Variants in PDE9A observed in about 807,000 individuals in gnomAD.
PDE9A encodes high affinity cGMP-specific 3',5'-cyclic phosphodiesterase 9A.
A neutral mutation model predicts 87.4 loss-of-function variants in PDE9A; 60 were observed. That is an observed-to-expected ratio of 0.69 (90% CI 0.56 to 0.85). The LOEUF (loss-of-function observed/expected upper bound fraction) is 0.85. PDE9A is among the 40% of genes least tolerant of loss of function. The pLI is 0.00. For missense variants in PDE9A, 665 were observed against 779.0 expected, an observed-to-expected ratio of 0.85 and a Z score of 1.74; for synonymous variants, 272 against 279.4, an observed-to-expected ratio of 0.97 and a Z score of 0.27.
intron 8 of PDE9A, among the ~76,000 whole-genome samples, chr21:42,744,493 C>T (rs945674493): frequency 2.0e-5 from 3 of 152,276 alleles, no homozygotes; most frequent in South Asian, 2.1e-4. Context: ...AAAGACAGAA[C>T]AAGAAGAGGA....
intron 1 of PDE9A, among the ~76,000 whole-genome samples, chr21:42,681,622 T>C (rs772365562): frequency 2.6e-5 from 4 of 152,148 alleles, no homozygotes; most frequent in Non-Finnish European, 4.4e-5. Context: ...CAATTTCCAG[T>C]GGGGGAGCCG....
rs267606143 is a variant in PDE9A at position 42,687,965 on chromosome 21, C to T, written c.189C>T (p.Ile63=). 1.9e-5 allele frequency: 31 copies of T among 1,613,006 alleles called. 1 individual carries two copies. Among genetic ancestry groups the T allele is most frequent in the South Asian group, 1.4e-4 (13 of 91,078 alleles). The stretch of plus-strand genomic sequence containing the variant: ...CCACCGACGACGCCATGGTCTCCAT[C>T]GACCCCACCATGCCCGCGAATTCAG... ...LLTTDDAMVS[I]DPTMPANSER... is the part of the protein sequence containing the mutation. Residue 63 remains isoleucine (I), a synonymous_variant, in exon 3 of 20, where the codon ATC becomes ATT. Transcript: ENST00000291539.
intron 4 of PDE9A, among the ~76,000 whole-genome samples, chr21:42,706,382 C>A (rs370885878): frequency 5.9e-5 from 9 of 152,174 alleles, no homozygotes; most frequent in South Asian, 2.1e-4. Flanking sequence ...TGGTGGCTCA[C>A]GCCTGTAATC....
chr21:42,749,437 A>G (rs552425200), intron 8 of PDE9A, among the ~76,000 whole-genome samples: 1 of 152,298 alleles, frequency 6.6e-6, no homozygotes, highest in South Asian at 2.1e-4. Context: ...ACTCTGCTGC[A>G]GGGGCCCAAG....
chr21:42,753,880 A>G lies in PDE9A; in HGVS notation c.736-110A>G, dbSNP rs566892042. On this transcript the variant is annotated intron_variant, in intron 9 of 19. Transcript: ENST00000291539. ...CTATCTCAAAAAAAAAAAAAAAAAG[A>G]AAGAAAGAAAAAGAAAGAGAACGGG... 10 of 593,974 alleles carry G rather than the reference A, an allele frequency of 1.7e-5. No individual in the cohort carries two copies. The Admixed American group carries it at 2.9e-4, about 17-fold the overall frequency. 36.8% of individuals were successfully genotyped at this position (593,974 alleles called of 1,614,324 possible).
intron 1 of PDE9A, among the ~76,000 whole-genome samples, chr21:42,679,440 T>C (rs1173350301): frequency 6.6e-6 from 1 of 151,768 alleles, no homozygotes. Flanking sequence ...TACTTGAGTC[T>C]TGGTTTTACA....
intron 1 of PDE9A, among the ~76,000 whole-genome samples, chr21:42,679,533 C>G (rs748374171): frequency 5.9e-5 from 9 of 152,128 alleles, no homozygotes; most frequent in African/African-American, 9.7e-5. Flanking sequence ...ACGAGGAGAC[C>G]TGCTCATGGA....
At chr21:42,736,020 C>G (rs2052372724) in intron 7 of PDE9A, among the ~76,000 whole-genome samples, 2 of 152,054 alleles carry the variant, frequency 1.3e-5, no homozygotes, top group African/African-American at 4.8e-5. Context: ...ACACAAAAAG[C>G]CACGCAGTCA....
intron 3 of PDE9A, among the ~76,000 whole-genome samples, chr21:42,693,519 T>A (rs1369860387): frequency 6.6e-6 from 1 of 151,624 alleles, no homozygotes; most frequent in African/African-American, 2.4e-5. Context: ...CACGATCTCC[T>A]GACCTCGTGA....
chr21:42,774,976 C>T (rs185226543), intron 19 of PDE9A, among the ~76,000 whole-genome samples: 2 of 150,122 alleles, frequency 1.3e-5, no homozygotes, highest in African/African-American at 4.9e-5. Context: ...GAGTCTCGCT[C>T]TGTTGCCCAG....
intron 6 of PDE9A, among the ~76,000 whole-genome samples, chr21:42,732,739 A>ACC (rs2051948682): frequency 6.6e-6 from 1 of 151,702 alleles, no homozygotes; most frequent in African/African-American, 2.4e-5. Flanking sequence ...ACATGGAGAA[A>ACC]CCCCGTCTCT....
At chr21:42,688,044 A>G (rs1345915740) in intron 3 of PDE9A, 50 bp downstream of exon 3, 2 of 1,401,276 alleles carry the variant, frequency 1.4e-6, no homozygotes, top group Non-Finnish European at 2.0e-6. Context: ...ACTTCTCTCC[A>G]TGACATGGGA....
intron 1 of PDE9A, among the ~76,000 whole-genome samples, chr21:42,673,008 G>A (rs1034199536): frequency 1.3e-5 from 2 of 152,146 alleles, no homozygotes; most frequent in African/African-American, 4.8e-5. Flanking sequence ...GGAGGAGGAG[G>A]ATCCATGAGT....
In PDE9A at chr21:42,760,526, G is replaced by A; in HGVS notation, c.1002+94G>A. ...GCGGCAGCCCCATCCCACCAAGAGAGCCACAGGCGTGGGGTCCCCAGCCGC... is the reference window on the plus strand; with the variant it reads ...GCGGCAGCCCCATCCCACCAAGAGAACCACAGGCGTGGGGTCCCCAGCCGC... On this transcript the variant is annotated intron_variant, in intron 12 of 19. Coordinates refer to ENST00000291539, the MANE Select transcript of PDE9A (RefSeq NM_002606.3). The surrounding 1 kb of genome is among the most constrained non-coding windows in gnomAD (Gnocchi z 5.2). 2.5e-6 allele frequency: 2 copies of A among 786,940 alleles called. No individual in the cohort carries two copies. The highest frequency in any genetic ancestry group is 4.2e-6 in the Non-Finnish European group (2 of 476,412). 48.7% of individuals were successfully genotyped at this position (786,940 alleles called of 1,614,324 possible). A position where few individuals can be genotyped will look rare whatever the true frequency, so the allele number is the denominator to read the frequency against.
rs145822669 is a variant in PDE9A at position 42,686,174 on chromosome 21, C to A, written c.70-18C>A. On this transcript the variant is annotated intron_variant, in intron 1 of 19. Transcript: ENST00000291539. The stretch of plus-strand genomic sequence containing the variant: ...CCCGCCGCCCTCGCTGCCGCCTCAC[C>A]GCGCTTCTGTTTTGCAGGTAATCTT... 2 of 1,610,236 alleles carry A rather than the reference C, an allele frequency of 1.2e-6. No individual in the cohort carries two copies. The highest frequency in any genetic ancestry group is 4.5e-5 in the East Asian group (2 of 44,854).
intron 8 of PDE9A, 42 bp from the exon 9 acceptor site, chr21:42,751,074 G>A: frequency 7.6e-7 from 1 of 1,316,944 alleles, no homozygotes; most frequent in Non-Finnish European, 1.1e-6. Flanking sequence ...TCACCAGACT[G>A]AAACAGCAGG....
chr21:42,728,093 C>A lies in PDE9A; in HGVS notation c.263-3677C>A, dbSNP rs565931580. Among the ~76,000 whole-genome samples, 6 of 152,290 alleles carry A rather than the reference C, an allele frequency of 3.9e-5. No individual in the cohort carries two copies. The South Asian group carries it at 1.2e-3, about 32-fold the overall frequency. ...TGTTTTAAAAACAAGAAAAACAATA[C>A]AAATTAGTAAACAGTACAGTATAGC... is the stretch of plus-strand genomic sequence containing the variant. On this transcript the variant is annotated intron_variant, in intron 4 of 19. Transcript: ENST00000291539.
Position 42,769,041 on chromosome 21 carries a change from G to A in PDE9A, c.1476G>A (p.Lys492=). The change falls in exon 17 of 20, where the codon AAG becomes AAA. Residue 492 remains lysine (K), a synonymous_variant. Coordinates refer to ENST00000291539, the MANE Select transcript of PDE9A (RefSeq NM_002606.3). Reference sequence around the variant, plus strand: ...ATTCCCTGCAGAGCGACCGTGAGAAGTCAGAAGGCCTTCCTGTGGCACCGT... The same window carrying A: ...ATTCCCTGCAGAGCGACCGTGAGAAATCAGAAGGCCTTCCTGTGGCACCGT... ...EEYFMQSDRE[K]SEGLPVAPFM... 1 of 1,612,988 alleles carries A rather than the reference G, an allele frequency of 6.2e-7. No homozygotes were observed. The highest frequency in any genetic ancestry group is 8.5e-7 in the Non-Finnish European group (1 of 1,179,170).
intron 3 of PDE9A, among the ~76,000 whole-genome samples, chr21:42,689,024 G>A (rs2059637962): frequency 6.6e-6 from 1 of 151,708 alleles, no homozygotes; most frequent in African/African-American, 2.4e-5. Flanking sequence ...GACATGGCCA[G>A]TGCCGTCCTC....
Sources: allele counts gnomAD v4.1 joint callset (sites outside exome capture counted in the v4.1 genomes callset), GRCh38; gene constraint gnomAD v4.1.1; non-coding constraint Gnocchi (gnomAD v3.1); transcripts MANE v1.5; gene names NCBI Gene and HGNC (gene_info 2026-07-23, HGNC 2026-07-21).